The following TBXAS1 variants were observed in gnomAD, a reference collection of about 807,000 sequenced individuals.
TBXAS1 encodes thromboxane-A synthase.
A neutral mutation model predicts 60.7 loss-of-function variants in TBXAS1; 48 were observed. The ratio of observed to expected loss-of-function variants is 0.79; its 90% CI spans 0.63 to 1.01. The LOEUF (loss-of-function observed/expected upper bound fraction) is 1.01. Among genes scored for constraint, TBXAS1 ranks in the 50% least tolerant of loss-of-function variants. The pLI, the probability that TBXAS1 is intolerant of heterozygous loss-of-function variation, is 0.00. For missense variants in TBXAS1, 685 were observed against 686.3 expected (o/e 1.00, Z 0.02); for synonymous variants, 287 against 269.7 (o/e 1.06, Z -0.63).
chr7:139,974,432 G>A (rs1006245123), intron 9 of TBXAS1, among the ~76,000 whole-genome samples: 1 of 152,158 alleles, frequency 6.6e-6, no homozygotes, highest in Non-Finnish European at 1.5e-5. Context: ...AAGAGCATAT[G>A]CCTCCCACCA....
At chr7:139,924,588 T>A (rs937524359) in intron 4 of TBXAS1, among the ~76,000 whole-genome samples, 1 of 152,208 alleles carries the variant, frequency 6.6e-6, no homozygotes, top group South Asian at 2.1e-4. Flanking sequence ...TGCAAATACT[T>A]CCTCCCAGTC....
intron 1 of TBXAS1, among the ~76,000 whole-genome samples, chr7:139,830,300 C>G (rs990922125): frequency 9.2e-5 from 14 of 152,058 alleles, no homozygotes; most frequent in African/African-American, 3.1e-4. Flanking sequence ...GACTGGAGTC[C>G]GAACAGAATT....
Position 139,852,789 on chromosome 7 carries a change from G to C in TBXAS1, c.90-19446G>C, listed in dbSNP as rs3779134. Among the ~76,000 whole-genome samples, 11,905 of 152,076 alleles carry C rather than the reference G, an allele frequency of 0.078. 612 individuals carry two copies. Among genetic ancestry groups the C allele is most frequent in the Non-Finnish European group, 0.12 (8,013 of 67,966 alleles). On this transcript the variant is annotated intron_variant, in intron 1 of 12. Transcript: ENST00000448866. This position sits in a 1 kb window ranked among gnomAD's most constrained non-coding sequence, Gnocchi z 4.4. ...GTGCAATAGAAAGGTGGAAATATTG[G>C]CTGGGTTTATGAAGACATAACTTCT...
At chr7:139,850,044 C>T (rs1320368571) in intron 1 of TBXAS1, among the ~76,000 whole-genome samples, 1 of 152,232 alleles carries the variant, frequency 6.6e-6, no homozygotes, top group East Asian at 1.9e-4. Context: ...CCGGAAACCA[C>T]CCTTTGGTGC....
intron 5 of TBXAS1, among the ~76,000 whole-genome samples, chr7:139,940,096 C>T (rs112544372): frequency 0.012 from 1,860 of 152,256 alleles, 21 homozygotes; most frequent in Middle Eastern, 0.054. Flanking sequence ...TTGAACTGTA[C>T]GTTAGCAAGC....
At chr7:139,971,452 G>A (rs914424030) in intron 9 of TBXAS1, among the ~76,000 whole-genome samples, 6 of 152,148 alleles carry the variant, frequency 3.9e-5, no homozygotes, top group Non-Finnish European at 7.4e-5. Flanking sequence ...GCAGGGCCTC[G>A]GATCTTAACT....
At chr7:140,015,950 A>C in intron 11 of TBXAS1, 90 bp downstream of exon 11, 1 of 1,581,714 alleles carries the variant, frequency 6.3e-7, no homozygotes, top group Non-Finnish European at 8.6e-7. Flanking sequence ...GGAGGCACAG[A>C]CTTAGCAAAA....
chr7:139,802,142 T>C (rs979410371), intron 4 of TBXAS1, among the ~76,000 whole-genome samples: 1 of 152,232 alleles, frequency 6.6e-6, no homozygotes, highest in Non-Finnish European at 1.5e-5. Context: ...TTTCATGGAG[T>C]CTGAGATTTT....
At chr7:139,929,354 C>T (rs1453782177) in intron 4 of TBXAS1, among the ~76,000 whole-genome samples, 2 of 152,106 alleles carry the variant, frequency 1.3e-5, no homozygotes, top group Non-Finnish European at 2.9e-5. Flanking sequence ...TTAGACCACA[C>T]AGGCTAAACT....
At chr7:139,951,079 G>T (rs1411934588) in intron 5 of TBXAS1, among the ~76,000 whole-genome samples, 1 of 152,144 alleles carries the variant, frequency 6.6e-6, no homozygotes, top group Non-Finnish European at 1.5e-5. Context: ...CCAACCAACT[G>T]AATATTCCAG....
At chr7:139,787,081 T>TG (rs1296153741) in intron 3 of TBXAS1, among the ~76,000 whole-genome samples, 10 of 152,268 alleles carry the variant, frequency 6.6e-5, no homozygotes, top group Non-Finnish European at 1.5e-4. Flanking sequence ...GATTTCCTTA[T>TG]GTGTTTTATC....
At chr7:140,014,958 G>T (rs892980367) in intron 10 of TBXAS1, among the ~76,000 whole-genome samples, 10 of 151,758 alleles carry the variant, frequency 6.6e-5, no homozygotes, top group African/African-American at 2.4e-4. Flanking sequence ...AGAAGAAGAG[G>T]AGGAGGAGGA....
In TBXAS1 at chr7:139,896,439, C is replaced by T. The variant is rs1209405955; in HGVS notation, c.237-14786C>T. ...TCTGGGGAACCATAAATAACTTTTT[C>T]ACAGCAAGAATGAAAGGCTGTGGTT... On this transcript the variant is annotated intron_variant, in intron 3 of 12. Transcript: ENST00000448866. This position sits in a 1 kb window ranked among gnomAD's most constrained non-coding sequence, Gnocchi z 4.0. 6.6e-6 allele frequency among the ~76,000 whole-genome samples: 1 copy of T among 152,142 alleles called. No individual in the cohort carries two copies. The highest frequency in any genetic ancestry group is 1.9e-4 in the East Asian group (1 of 5,194).
At chr7:139,864,771 AG>A (rs1801226715) in intron 1 of TBXAS1, among the ~76,000 whole-genome samples, 1 of 152,248 alleles carries the variant, frequency 6.6e-6, no homozygotes, top group South Asian at 2.1e-4. Flanking sequence ...GCAGTGCAGC[AG>A]GCACAACATC....
At chr7:139,913,445 C>T (rs1226634253) in intron 4 of TBXAS1, 8 of 375,710 alleles carry the variant, frequency 2.1e-5, no homozygotes, top group Non-Finnish European at 1.0e-5. Flanking sequence ...GCACTTGAGA[C>T]TGTCTGAGCC....
At chr7:139,906,073 T>G in intron 3 of TBXAS1, 1 of 396,990 alleles carries the variant, frequency 2.5e-6, no homozygotes, top group South Asian at 1.9e-5. Flanking sequence ...CTAGCATCTT[T>G]TTTTTTTTTT....
chr7:139,843,568 C>T (rs1799610744), intron 1 of TBXAS1, among the ~76,000 whole-genome samples: 1 of 152,110 alleles, frequency 6.6e-6, no homozygotes, highest in Non-Finnish European at 1.5e-5. Flanking sequence ...GTCTCGAACT[C>T]CTGACCTCAG....
chr7:139,875,841 G>C, intron 3 of TBXAS1: 1 of 636,036 alleles, frequency 1.6e-6, no homozygotes. Flanking sequence ...GCCCACGGGG[G>C]GACTCTGCTG....
chr7:139,922,712 G>A (rs1017746239), intron 4 of TBXAS1, among the ~76,000 whole-genome samples: 2 of 152,136 alleles, frequency 1.3e-5, no homozygotes, highest in Non-Finnish European at 1.5e-5. Context: ...TATATACAAG[G>A]TCACAAAGAT....
Sources: gnomAD v4.1 joint callset for allele counts (sites outside exome capture counted in the v4.1 genomes callset) on GRCh38, gnomAD v4.1.1 for gene constraint, Gnocchi (gnomAD v3.1) non-coding constraint, MANE v1.5 for transcripts, NCBI Gene and HGNC (gene_info 2026-07-23, HGNC 2026-07-21) for gene names.